The following BLTP2 variants were observed in gnomAD, a reference collection of about 807,000 sequenced individuals.
The protein encoded by BLTP2 is U937-associated antigen.
At chr17:28,635,151 G>A in the BLTP2 span, 1 of 1,613,918 alleles carries the variant, frequency 6.2e-7, no homozygotes, top group Non-Finnish European at 8.5e-7. Flanking sequence ...CACGGTTCCG[G>A]AGGGTCTGCA....
the BLTP2 span, chr17:28,633,074 G>A: frequency 3.1e-6 from 5 of 1,592,436 alleles, no homozygotes; most frequent in South Asian, 4.6e-5. Context: ...GTGACACTAT[G>A]GTGATCATGG....
the BLTP2 span, chr17:28,621,228 A>G: frequency 6.4e-7 from 1 of 1,550,478 alleles, no homozygotes; most frequent in Non-Finnish European, 8.9e-7. Flanking sequence ...ATAATGTGAG[A>G]GCCTCCCAGC....
At chr17:28,635,156 T>A in the BLTP2 span, 1 of 1,612,124 alleles carries the variant, frequency 6.2e-7, no homozygotes, top group Non-Finnish European at 8.5e-7. Context: ...TTCCGGAGGG[T>A]CTGCAGCGCA....
the BLTP2 span, chr17:28,633,793 A>G: frequency 6.2e-7 from 1 of 1,601,324 alleles, no homozygotes; most frequent in South Asian, 1.1e-5. Flanking sequence ...TCACAACATT[A>G]CCCCTCTCTT....
chr17:28,638,664 T>C, the BLTP2 span: 16 of 1,409,506 alleles, frequency 1.1e-5, no homozygotes, highest in Non-Finnish European at 1.5e-5. Flanking sequence ...CAAGACATCA[T>C]TGTTTGGTAA....
the BLTP2 span, among the ~76,000 whole-genome samples, chr17:28,627,631 T>C: frequency 6.6e-6 from 1 of 152,018 alleles, no homozygotes; most frequent in South Asian, 2.1e-4. Context: ...ATAGTCTCGA[T>C]CTCCTGACCC....
chr17:28,621,534 G>GA, the BLTP2 span: 4 of 1,500,270 alleles, frequency 2.7e-6, no homozygotes, highest in African/African-American at 2.7e-5. Context: ...TAGCTCCTGG[G>GA]AAAAGAGTGG....
the BLTP2 span, among the ~76,000 whole-genome samples, chr17:28,625,334 C>CAAAAAAAAAAAAAAAAAAA: frequency 2.1e-4 from 6 of 29,052 alleles, no homozygotes; most frequent in African/African-American, 2.4e-4. Context: ...GACTCCGTCT[C>CAAAAAAAAAAAAAAAAAAA]AAAAAAAAAA....
At chr17:28,629,517 C>T in the BLTP2 span, among the ~76,000 whole-genome samples, 15 of 152,118 alleles carry the variant, frequency 9.9e-5, no homozygotes, top group African/African-American at 3.4e-4. Context: ...TCACTCTTGT[C>T]GTCCAGGCTG....
chr17:28,622,251 G>C, the BLTP2 span, among the ~76,000 whole-genome samples: 1 of 152,168 alleles, frequency 6.6e-6, no homozygotes, highest in Non-Finnish European at 1.5e-5. Context: ...AAAGAGCACT[G>C]CTTGTCTGAA....
chr17:28,620,641 G>A, the BLTP2 span: 1 of 1,611,610 alleles, frequency 6.2e-7, no homozygotes, highest in Non-Finnish European at 8.5e-7. Context: ...CTAGATAATT[G>A]TTAGCAGCTA....
chr17:28,633,007 T>C, the BLTP2 span: 1 of 1,581,844 alleles, frequency 6.3e-7, no homozygotes, highest in Non-Finnish European at 8.6e-7. Context: ...AAAGGCCCGG[T>C]AGGAGTCATG....
the BLTP2 span, among the ~76,000 whole-genome samples, chr17:28,638,842 A>G: frequency 4.6e-5 from 7 of 152,204 alleles, no homozygotes; most frequent in African/African-American, 1.7e-4. Flanking sequence ...GAACCCCAAA[A>G]GGATATTAGG....
chr17:28,636,757 G>C, the BLTP2 span, among the ~76,000 whole-genome samples: 2 of 152,116 alleles, frequency 1.3e-5, no homozygotes, highest in Admixed American at 6.5e-5. Flanking sequence ...TAAAAAGAGA[G>C]GCTGGGCGTG....
At chr17:28,632,372 C>G in the BLTP2 span, 1 of 664,922 alleles carries the variant, frequency 1.5e-6, no homozygotes, top group South Asian at 2.0e-5. Flanking sequence ...CATTCAGCAT[C>G]CCCAACTCCC....
chr17:28,620,220 A>G, the BLTP2 span, among the ~76,000 whole-genome samples: 1 of 152,214 alleles, frequency 6.6e-6, no homozygotes, highest in African/African-American at 2.4e-5. Flanking sequence ...ACAGGATGGG[A>G]TGGAGGTGGA....
chr17:28,644,947 C>T, the BLTP2 span: 1 of 1,520,830 alleles, frequency 6.6e-7, no homozygotes, highest in Non-Finnish European at 8.9e-7. Context: ...CCCCCTCCCT[C>T]CCGCCGCCGC....
At chr17:28,618,619 A>T in the BLTP2 span, 1 of 545,748 alleles carries the variant, frequency 1.8e-6, no homozygotes, top group East Asian at 2.9e-5. Flanking sequence ...GATATATCTA[A>T]GGAAGCTCTG....
At chr17:28,626,242 G>A in the BLTP2 span, among the ~76,000 whole-genome samples, 1 of 152,100 alleles carries the variant, frequency 6.6e-6, no homozygotes, top group African/African-American at 2.4e-5. Context: ...TACTGTACAA[G>A]GACCAAAAAC....
Sources: gnomAD v4.1 joint callset for allele counts (sites outside exome capture counted in the v4.1 genomes callset) on GRCh38, gnomAD v4.1.1 for gene constraint, MANE v1.5 for transcripts, NCBI Gene and HGNC (gene_info 2026-07-23, HGNC 2026-07-21) for gene names.